Variants in SLAMF9 observed in about 807,000 individuals in gnomAD.
SLAMF9 encodes the protein CD2 family member 10.
A neutral mutation model predicts 30.4 loss-of-function variants in SLAMF9; 25 were observed. The observed-to-expected ratio is 0.82, with a 90% CI of 0.60 to 1.15. The LOEUF is 1.15. Ranked by LOEUF, SLAMF9 falls within the 50% of genes most tolerant of loss-of-function variation. The pLI is 0.00. For missense variants in SLAMF9, 344 were observed against 346.1 expected, an observed-to-expected ratio of 0.99 and a Z score of 0.05; for synonymous variants, 129 against 127.2, an observed-to-expected ratio of 1.01 and a Z score of -0.09.
At chr1:159,965,896 C>T in the SLAMF9 span, among the ~76,000 whole-genome samples, 2 of 152,190 alleles carry the variant, frequency 1.3e-5, no homozygotes, top group African/African-American at 2.4e-5. Flanking sequence ...TATATGTCTA[C>T]AATTCCAAGT....
At chr1:159,961,941 A>G in the SLAMF9 span, among the ~76,000 whole-genome samples, 2 of 151,796 alleles carry the variant, frequency 1.3e-5, no homozygotes, top group Non-Finnish European at 2.9e-5. Context: ...GGCGGATCAC[A>G]AGGTCAAGAG....
At chr1:159,959,030 G>C (rs1290519794), upstream of SLAMF9, among the ~76,000 whole-genome samples, 3 of 152,066 alleles carry the variant, frequency 2.0e-5, no homozygotes, top group East Asian at 5.8e-4. Context: ...CTAGAGGCTG[G>C]TAGTCGGGGA....
At position 159,952,290 on chromosome 1, in the gene SLAMF9, G is replaced by A; in HGVS notation, c.636C>T (p.Cys212=). 6.2e-7 allele frequency: 1 copy of A among 1,614,138 alleles called. No individual in the cohort carries two copies. Among genetic ancestry groups the A allele is most frequent in the Non-Finnish European group, 8.5e-7 (1 of 1,180,004 alleles). The change falls in exon 3 of 4, where the codon TGC becomes TGT. Residue 212 remains cysteine, a synonymous_variant. Transcript: ENST00000368093. ...ANNPISNVSS[C]PIPDGPFYAD... ...CATAGAAGGGCCCATCAGGGATGGGGCAAGAACTGACGTTGCTGATGGGGT... is the reference window on the plus strand; with the variant it reads ...CATAGAAGGGCCCATCAGGGATGGGACAAGAACTGACGTTGCTGATGGGGT...
At chr1:159,960,151 G>T in the SLAMF9 span, among the ~76,000 whole-genome samples, 2 of 147,998 alleles carry the variant, frequency 1.4e-5, no homozygotes, top group South Asian at 2.2e-4. Context: ...ATCTCCTAAT[G>T]CTATCCCTCC....
In SLAMF9 at chr1:159,952,483, C is replaced by A; in HGVS notation, c.443G>T (p.Gly148Val). The change falls in exon 3 of 4, where the codon GGT (glycine) becomes GTT (valine). Residue 148 changes from glycine to valine, a missense_variant. Coordinates refer to ENST00000368093, the MANE Select transcript of SLAMF9 (RefSeq NM_033438.4). Reference protein sequence around the residue: ...ITVNFESSGEGACSMSLVCSV... With the variant: ...ITVNFESSGEVACSMSLVCSV... ...GCACACCAGGGACATACTGCAGGCA[C>A]CTTCCCCAGAACTCTCAAAGTTCAC... is the stretch of plus-strand genomic sequence containing the variant. The A allele has an allele frequency of 2.5e-6, 4 of 1,614,074 alleles. No individual in the cohort carries two copies. The highest frequency in any genetic ancestry group is 3.4e-6 in the Non-Finnish European group (4 of 1,180,004).
At chr1:159,954,053 A>T in intron 1 of SLAMF9, 39 bp downstream of exon 1, 1 of 1,613,208 alleles carries the variant, frequency 6.2e-7, no homozygotes, top group Non-Finnish European at 8.5e-7. Context: ...ACAGAGGTGT[A>T]GGGGACATTC....
At chr1:159,979,441 A>G in the SLAMF9 span, among the ~76,000 whole-genome samples, 1 of 152,230 alleles carries the variant, frequency 6.6e-6, no homozygotes, top group East Asian at 1.9e-4. Context: ...AAAAATGTAA[A>G]TCTCCTTGGG....
chr1:159,979,718 G>A, the SLAMF9 span, among the ~76,000 whole-genome samples: 3 of 148,858 alleles, frequency 2.0e-5, 1 homozygote, highest in Admixed American at 2.0e-4. Context: ...TCTACTATAT[G>A]TAAGTAAAAC....
the SLAMF9 span, among the ~76,000 whole-genome samples, chr1:159,966,946 T>C: frequency 6.6e-6 from 1 of 152,094 alleles, no homozygotes; most frequent in South Asian, 2.1e-4. Flanking sequence ...TTTTTGTTTG[T>C]TTTTGTTTTT....
the SLAMF9 span, among the ~76,000 whole-genome samples, chr1:159,977,874 G>A: frequency 3.9e-5 from 6 of 152,296 alleles, no homozygotes; most frequent in South Asian, 4.1e-4. Context: ...GCAGGAACAT[G>A]AGATCAAAGG....
At chr1:159,982,111 C>T in the SLAMF9 span, among the ~76,000 whole-genome samples, 1 of 152,238 alleles carries the variant, frequency 6.6e-6, no homozygotes, top group African/African-American at 2.4e-5. Context: ...TTCAATTCAT[C>T]CTCCACACTG....
chr1:159,951,501 C>A lies in SLAMF9; in HGVS notation c.*160G>T. On this transcript the variant is annotated 3_prime_UTR_variant, in exon 4 of 4. Transcript: ENST00000368093. Reference sequence around the variant, plus strand: ...CACAGCTCCTGCAGAGTTGTGGTCACTTAATTTGACTTTATTGCCAGCCAG... The same window carrying A: ...CACAGCTCCTGCAGAGTTGTGGTCAATTAATTTGACTTTATTGCCAGCCAG... 1 of 656,772 alleles carries A rather than the reference C, an allele frequency of 1.5e-6. No homozygotes were observed. The highest frequency in any genetic ancestry group is 2.9e-5 in the Admixed American group (1 of 34,982). 40.7% of individuals were successfully genotyped at this position (656,772 alleles called of 1,614,324 possible).
the SLAMF9 span, among the ~76,000 whole-genome samples, chr1:159,964,360 T>A: frequency 2.0e-5 from 3 of 152,140 alleles, no homozygotes; most frequent in Non-Finnish European, 2.9e-5. Context: ...TTGGAGAATA[T>A]GAGAGGGGCT....
In SLAMF9 at chr1:159,953,347, T is replaced by C; in HGVS notation, c.353A>G (p.Gln118Arg). The change falls in exon 2 of 4, where the codon CAG (glutamine) becomes CGG (arginine). Residue 118 changes from glutamine (Q) to arginine (R), a missense_variant. Coordinates refer to ENST00000368093, the MANE Select transcript of SLAMF9 (RefSeq NM_033438.4). Reference sequence around the variant, plus strand: ...ATTGTACTGCTGCATGGTAGAGATCTGGGATGTTCTCAGGTTGACTTGAGC... The same window carrying C: ...ATTGTACTGCTGCATGGTAGAGATCCGGGATGTTCTCAGGTTGACTTGAGC... ...YQAQVNLRTSQISTMQQYNIC... is the reference protein window; with the variant it reads ...YQAQVNLRTSRISTMQQYNIC... The C allele has an allele frequency of 6.2e-7, 1 of 1,612,472 alleles. No homozygotes were observed. The highest frequency in any genetic ancestry group is 2.2e-5 in the East Asian group (1 of 44,804).
At chr1:159,976,916 G>GA in the SLAMF9 span, 1 of 802 alleles carries the variant, frequency 1.2e-3, no homozygotes, top group Non-Finnish European at 0.014. Flanking sequence ...AAGAAAAAAA[G>GA]AAAGAAAGAA....
the SLAMF9 span, among the ~76,000 whole-genome samples, chr1:159,981,786 CA>C: frequency 6.6e-6 from 1 of 152,236 alleles, no homozygotes; most frequent in African/African-American, 2.4e-5. Flanking sequence ...GTGCCAGAAA[CA>C]GGGCTAGAAA....
upstream of SLAMF9, chr1:159,954,272 G>A (rs901409742): frequency 1.8e-5 from 17 of 941,694 alleles, no homozygotes; most frequent in East Asian, 2.7e-4. Flanking sequence ...ATTTTCCCCT[G>A]ACTACAGCCC....
chr1:159,953,476 A>G lies in SLAMF9; in HGVS notation c.224T>C (p.Ile75Thr). ...VPGKEGHPATIMVTNPHYQGQ... is the reference protein window; with the variant it reads ...VPGKEGHPATTMVTNPHYQGQ... ...CTGGTAGTGTGGATTGGTCACCATG[A>G]TGGTAGCTGGATGTCCCTCTTTCCC... Residue 75 changes from isoleucine (I) to threonine (T), a missense_variant, in exon 2 of 4, where the codon ATC becomes ACC. Transcript: ENST00000368093. 1.2e-6 allele frequency: 2 copies of G among 1,614,134 alleles called. No homozygotes were observed. The highest frequency in any genetic ancestry group is 1.7e-6 in the Non-Finnish European group (2 of 1,180,008).
the SLAMF9 span, chr1:159,973,319 C>T: frequency 8.5e-5 from 53 of 621,054 alleles, no homozygotes; most frequent in African/African-American, 8.5e-4. Flanking sequence ...GAGGGGAGTC[C>T]TGGATGATAA....
Sources: gnomAD v4.1 joint callset for allele counts (sites outside exome capture counted in the v4.1 genomes callset) on GRCh38, gnomAD v4.1.1 for gene constraint, MANE v1.5 for transcripts, NCBI Gene and HGNC (gene_info 2026-07-23, HGNC 2026-07-21) for gene names.